HUS1: variants seen among roughly 807,000 people sequenced by gnomAD.
The protein encoded by HUS1 is checkpoint protein HUS1.
Under a neutral mutation model 32.6 loss-of-function variants are expected in HUS1, and 31 were observed. That is an observed-to-expected ratio of 0.95 (90% CI 0.72 to 1.28). The LOEUF is 1.28. Ranked by LOEUF, HUS1 falls within the 50% of genes most tolerant of loss-of-function variation. The probability of loss-of-function intolerance (pLI) is 0.00; values close to 1 mark genes in which losing one functional copy is unlikely to be tolerated. For synonymous variants in HUS1, 123 were observed against 116.6 expected, an observed-to-expected ratio of 1.06 and a Z score of -0.36; for missense variants, 340 against 337.7, an observed-to-expected ratio of 1.01 and a Z score of -0.05.
chr7:47,969,562 A>C (rs1164621145), intron 5 of HUS1, among the ~76,000 whole-genome samples: 2 of 152,150 alleles, frequency 1.3e-5, no homozygotes, highest in African/African-American at 4.8e-5. Context: ...GGAATGAAGA[A>C]CTCAGTGAAG....
At chr7:47,965,476 C>T in intron 7 of HUS1, 38 bp from the exon 8 acceptor site, 1 of 1,392,634 alleles carries the variant, frequency 7.2e-7, no homozygotes. Flanking sequence ...AGACCTAGTG[C>T]AGCACACACA....
At chr7:47,978,860 T>G in intron 1 of HUS1, 44 bp from the exon 2 acceptor site, 2 of 1,590,858 alleles carry the variant, frequency 1.3e-6, no homozygotes, top group South Asian at 1.1e-5. Context: ...ATGCACATTA[T>G]GTATCCTAGA....
chr7:47,977,816 C>A (rs1445650378), intron 3 of HUS1, among the ~76,000 whole-genome samples: 1 of 152,154 alleles, frequency 6.6e-6, no homozygotes. Flanking sequence ...ATCGCTTGAA[C>A]CCGGGAGATG....
chr7:47,973,501 C>T (rs1301297372), intron 5 of HUS1, among the ~76,000 whole-genome samples: 1 of 152,216 alleles, frequency 6.6e-6, no homozygotes, highest in Non-Finnish European at 1.5e-5. Flanking sequence ...GAGTCACATA[C>T]AACCCACCCC....
At chr7:47,979,000 G>C in intron 1 of HUS1, 184 bp from the exon 2 acceptor site, 1 of 606,908 alleles carries the variant, frequency 1.6e-6, no homozygotes, top group Non-Finnish European at 2.9e-6. Context: ...CAAACTAGGG[G>C]AGATGTACAG....
Position 47,965,411 on chromosome 7 carries a change from A to T in HUS1, c.788T>A (p.Phe263Tyr). The change falls in exon 8 of 8, where the codon TTT becomes TAT. Residue 263 changes from phenylalanine (F) to tyrosine (Y), a missense_variant. Transcript: ENST00000258774. ...GGACACGTCTTCATGAAGCAGATCA[A>T]AATGCACCATCTTGTTATTCACAAT... ...CNIVNNKMVHFDLLHEDVSLQ... is the reference protein window; with the variant it reads ...CNIVNNKMVHYDLLHEDVSLQ... 6.2e-7 allele frequency: 1 copy of T among 1,613,452 alleles called. No homozygotes were observed. The highest frequency in any genetic ancestry group is 8.5e-7 in the Non-Finnish European group (1 of 1,179,348).
intron 3 of HUS1, chr7:47,978,162 C>A: frequency 2.5e-6 from 1 of 396,418 alleles, no homozygotes; most frequent in Non-Finnish European, 4.5e-6. Flanking sequence ...GACAATACCA[C>A]TACAAGAAAC....
Position 47,964,738 on chromosome 7 carries a change from G to C in HUS1, c.*618C>G, listed in dbSNP as rs930666767. The C allele has an allele frequency of 6.6e-6, 1 of 152,262 alleles. No individual in the cohort carries two copies. The highest frequency in any genetic ancestry group is 1.5e-5 in the Non-Finnish European group (1 of 68,090). 9.4% of individuals were successfully genotyped at this position (152,262 alleles called of 1,614,324 possible). A position where few individuals can be genotyped will look rare whatever the true frequency, so the allele number is the denominator to read the frequency against. On this transcript the variant is annotated 3_prime_UTR_variant, in exon 8 of 8. Transcript: ENST00000258774. ...GAGCTCCCAGCTAAGAGCTGTGTTGGCTGGGCCAGCTCTCTAGGCATCAAG... is the reference window on the plus strand; with the variant it reads ...GAGCTCCCAGCTAAGAGCTGTGTTGCCTGGGCCAGCTCTCTAGGCATCAAG...
intron 7 of HUS1, 55 bp downstream of exon 7, chr7:47,967,751 T>G: frequency 1.3e-6 from 2 of 1,501,534 alleles, no homozygotes; most frequent in Non-Finnish European, 1.8e-6. Context: ...TAGAGTTGAC[T>G]GCAGTATTTA....
chr7:47,974,437 G>A (rs1788657265), intron 5 of HUS1, among the ~76,000 whole-genome samples: 1 of 152,202 alleles, frequency 6.6e-6, no homozygotes, highest in African/African-American at 2.4e-5. Context: ...CAGGGAGATG[G>A]AGAGAAGAAG....
intron 5 of HUS1, among the ~76,000 whole-genome samples, chr7:47,974,770 T>A (rs1298264741): frequency 6.6e-6 from 1 of 152,118 alleles, no homozygotes; most frequent in Non-Finnish European, 1.5e-5. Flanking sequence ...CCCACCACTG[T>A]CACACACTGT....
chr7:47,966,686 G>GTATGAATAAGGAGT (rs1788485773), intron 7 of HUS1, among the ~76,000 whole-genome samples: 1 of 152,072 alleles, frequency 6.6e-6, no homozygotes, highest in Non-Finnish European at 1.5e-5. Context: ...TGACCTTCAG[G>GTATGAATAAGGAGT]CGATCTCCAT....
rs376378968 is a variant in HUS1, at chr7:47,967,837, T to A, written c.729A>T (p.Gly243=). The A allele has an allele frequency of 4.3e-6, 7 of 1,613,862 alleles. No homozygotes were observed. In the African/African-American group the frequency reaches 5.3e-5, roughly 12 times the overall value. ...DIRKLLQFLA[G]QQVNPTKALC... is the part of the protein sequence containing the mutation. ...AGGCCTTTGTGGGATTTACTTGTTG[T>A]CCAGCAAGAAACTGTAGGAGCTTCC... is the stretch of plus-strand genomic sequence containing the variant. The change falls in exon 7 of 8, where the codon GGA becomes GGT. Residue 243 remains glycine, a synonymous_variant. Coordinates refer to ENST00000258774, the MANE Select transcript of HUS1 (RefSeq NM_004507.4).
chr7:47,972,675 C>CT (rs1788622457), intron 5 of HUS1, among the ~76,000 whole-genome samples: 2 of 152,278 alleles, frequency 1.3e-5, no homozygotes, highest in South Asian at 4.2e-4. Context: ...GACGAAGCCC[C>CT]TGTCATAGCT....
At chr7:47,975,085 G>A (rs866665769) in intron 5 of HUS1, among the ~76,000 whole-genome samples, 9 of 152,114 alleles carry the variant, frequency 5.9e-5, no homozygotes, top group African/African-American at 2.2e-4. Context: ...AGGCCTAGGC[G>A]GGCGGACCAC....
intron 7 of HUS1, among the ~76,000 whole-genome samples, chr7:47,966,311 T>A (rs567309725): frequency 6.6e-6 from 1 of 152,232 alleles, no homozygotes; most frequent in South Asian, 2.1e-4. Flanking sequence ...CACGGTGTTT[T>A]AAAAAAAATT....
chr7:47,978,197 T>G (rs1788747290), intron 3 of HUS1: 4 of 433,694 alleles, frequency 9.2e-6, no homozygotes, highest in African/African-American at 8.0e-5. Context: ...TTTCACGGCT[T>G]GGAAAAAGCA....
chr7:47,975,751 G>C lies in HUS1; in HGVS notation c.466-64C>G, dbSNP rs1788690747. The C allele has an allele frequency of 1.8e-5, 16 of 912,230 alleles. No homozygotes were observed. The South Asian group carries it at 2.4e-4, about 13-fold the overall frequency. 56.5% of individuals were successfully genotyped at this position (912,230 alleles called of 1,614,324 possible). A position where few individuals can be genotyped will look rare whatever the true frequency, so the allele number is the denominator to read the frequency against. ...TATTAATATACTCTAGTAATGACAAGGGCCCCATAACTAACTCTAGAACAC... is the reference window on the plus strand; with the variant it reads ...TATTAATATACTCTAGTAATGACAACGGCCCCATAACTAACTCTAGAACAC... On this transcript the variant is annotated intron_variant, in intron 4 of 7. Coordinates refer to ENST00000258774, the MANE Select transcript of HUS1 (RefSeq NM_004507.4).
intron 1 of HUS1, 110 bp from the exon 2 acceptor site, chr7:47,978,926 C>G: frequency 8.7e-7 from 1 of 1,144,194 alleles, no homozygotes; most frequent in Non-Finnish European, 1.3e-6. Flanking sequence ...GAAAAATAAC[C>G]ACTTAACGTT....
Sources: allele counts gnomAD v4.1 joint callset (sites outside exome capture counted in the v4.1 genomes callset), GRCh38; gene constraint gnomAD v4.1.1; transcripts MANE v1.5; gene names NCBI Gene and HGNC (gene_info 2026-07-23, HGNC 2026-07-21).